EVA1C: variants seen among roughly 807,000 people sequenced by gnomAD.
EVA1C encodes the protein protein eva-1 homolog C.
In EVA1C, 25 loss-of-function variants were observed where a neutral mutation model predicts 45.4. The observed-to-expected ratio is 0.55, with a 90% CI of 0.40 to 0.77. The LOEUF (loss-of-function observed/expected upper bound fraction) is 0.77. Ranked by LOEUF, EVA1C falls within the 30% of genes least tolerant of loss-of-function variation. The probability of loss-of-function intolerance (pLI) is 0.00; values close to 1 mark genes in which losing one functional copy is unlikely to be tolerated. For synonymous variants in EVA1C, 190 were observed against 221.2 expected, an observed-to-expected ratio of 0.86 and a Z score of 1.25; for missense variants, 479 against 554.8, an observed-to-expected ratio of 0.86 and a Z score of 1.37.
At chr21:32,441,402 G>A (rs2035168565) in intron 1 of EVA1C, among the ~76,000 whole-genome samples, 1 of 152,044 alleles carries the variant, frequency 6.6e-6, no homozygotes, top group Admixed American at 6.6e-5. Flanking sequence ...GCTTCGGGCT[G>A]AGAGACAGTC....
At chr21:32,500,567 A>G (rs1250760388) in intron 5 of EVA1C, among the ~76,000 whole-genome samples, 1 of 152,078 alleles carries the variant, frequency 6.6e-6, no homozygotes, top group South Asian at 2.1e-4. Context: ...CTCCAGTTTT[A>G]AAACATTTTC....
At chr21:32,495,337 T>G (rs957825215) in intron 5 of EVA1C, among the ~76,000 whole-genome samples, 167 bp downstream of exon 5, 1 of 152,168 alleles carries the variant, frequency 6.6e-6, no homozygotes, top group African/African-American at 2.4e-5. Context: ...TTCTTATTCT[T>G]GTTTATGATA....
intron 3 of EVA1C, among the ~76,000 whole-genome samples, chr21:32,465,838 T>G (rs2036153337): frequency 2.0e-5 from 3 of 152,168 alleles, no homozygotes. Context: ...TATTAAGATA[T>G]CATTTACATA....
At chr21:32,412,693 GGCCCGCGCAGGGGAGGAGGCTCTGGCA>G (rs1278570646) in exon 1 of EVA1C, 1 of 624,362 alleles carries the variant, frequency 1.6e-6, no homozygotes, top group African/African-American at 1.9e-5. Context: ...CGCCTGGGCT[GGCCCGCGCAGGGGAGGAGGCTCTGGCA>G]GCCTGGGCAG....
chr21:32,427,611 G>A (rs1320472762), intron 1 of EVA1C, among the ~76,000 whole-genome samples: 2 of 152,116 alleles, frequency 1.3e-5, no homozygotes, highest in Non-Finnish European at 2.9e-5. Context: ...TACTCGGGAG[G>A]CTGAGGCAGG....
chr21:32,500,570 A>C (rs562531161), intron 5 of EVA1C, among the ~76,000 whole-genome samples: 5 of 152,176 alleles, frequency 3.3e-5, no homozygotes, highest in African/African-American at 1.2e-4. Flanking sequence ...CAGTTTTAAA[A>C]CATTTTCACA....
chr21:32,511,857 C>T (rs1234131174), intron 7 of EVA1C, among the ~76,000 whole-genome samples: 1 of 152,032 alleles, frequency 6.6e-6, no homozygotes, highest in African/African-American at 2.4e-5. Context: ...AGAATGCTCA[C>T]GATCATCCAC....
At chr21:32,419,292 T>C (rs994887599) in intron 1 of EVA1C, among the ~76,000 whole-genome samples, 1 of 152,196 alleles carries the variant, frequency 6.6e-6, no homozygotes, top group African/African-American at 2.4e-5. Flanking sequence ...GGTAATGTAC[T>C]ATGAGAGAAC....
chr21:32,508,516 C>T (rs1257043782), intron 7 of EVA1C, among the ~76,000 whole-genome samples: 1 of 152,160 alleles, frequency 6.6e-6, no homozygotes, highest in African/African-American at 2.4e-5. Flanking sequence ...TATGTGATTC[C>T]CCCACCAGGG....
At chr21:32,428,917 A>G (rs1452563515) in intron 1 of EVA1C, among the ~76,000 whole-genome samples, 2 of 152,226 alleles carry the variant, frequency 1.3e-5, no homozygotes, top group Non-Finnish European at 2.9e-5. Context: ...TGCTGGAATT[A>G]CAGAAGCCTG....
At chr21:32,500,652 C>T (rs1054825784) in intron 5 of EVA1C, among the ~76,000 whole-genome samples, 26 of 151,614 alleles carry the variant, frequency 1.7e-4, no homozygotes, top group Non-Finnish European at 3.5e-4. Flanking sequence ...CAGATAACCA[C>T]GCATCAACTT....
chr21:32,441,583 ATACAATGG>A (rs145478272), intron 1 of EVA1C, among the ~76,000 whole-genome samples: 26,897 of 151,776 alleles, frequency 0.18, 3,070 homozygotes, highest in African/African-American at 0.32. Flanking sequence ...TCAGAAACCC[ATACAATGG>A]TACAATGGAT....
intron 5 of EVA1C, among the ~76,000 whole-genome samples, chr21:32,500,954 C>T (rs1347626604): frequency 1.3e-5 from 2 of 152,132 alleles, no homozygotes; most frequent in African/African-American, 2.4e-5. Context: ...GCTGGGATTA[C>T]AGCTGTGTGC....
At chr21:32,488,242 A>C (rs1041824993) in intron 4 of EVA1C, among the ~76,000 whole-genome samples, 2 of 152,146 alleles carry the variant, frequency 1.3e-5, no homozygotes, top group Non-Finnish European at 2.9e-5. Flanking sequence ...AAAGACATAA[A>C]AATTTAGATA....
At chr21:32,506,398 G>A (rs2037723538) in intron 7 of EVA1C, among the ~76,000 whole-genome samples, 1 of 151,398 alleles carries the variant, frequency 6.6e-6, no homozygotes, top group South Asian at 2.1e-4. Context: ...TTTTTAAAAT[G>A]TAAGGACTTG....
chr21:32,459,806 A>G (rs2035930774), intron 3 of EVA1C, among the ~76,000 whole-genome samples: 2 of 135,248 alleles, frequency 1.5e-5, no homozygotes, highest in South Asian at 5.0e-4. Context: ...GCGCCATTGC[A>G]CTCCAGCCTG....
chr21:32,499,138 C>T (rs2037446923), intron 5 of EVA1C, among the ~76,000 whole-genome samples: 1 of 152,196 alleles, frequency 6.6e-6, no homozygotes, highest in Non-Finnish European at 1.5e-5. Context: ...GATTCTTTCT[C>T]AAACTGTAAA....
chr21:32,504,239 T>A (rs559607353), intron 7 of EVA1C, among the ~76,000 whole-genome samples: 5 of 152,302 alleles, frequency 3.3e-5, no homozygotes, highest in African/African-American at 1.2e-4. Context: ...AAAGTCACAC[T>A]ATTTAGGAGT....
rs563883902 is a variant in EVA1C, at chr21:32,475,945, A to G, written c.634+8097A>G. 8.5e-5 allele frequency among the ~76,000 whole-genome samples: 13 copies of G among 152,062 alleles called. No individual in the cohort carries two copies. The East Asian group carries it at 2.5e-3, about 29-fold the overall frequency. On this transcript the variant is annotated intron_variant, in intron 4 of 7. Coordinates refer to ENST00000300255, the MANE Select transcript of EVA1C (RefSeq NM_058187.5). ...TATCTATCTATATAAACAGGAATGT[A>G]TAACTGTGGTTTCCCTGCAACGCTG...
Sources: allele counts gnomAD v4.1 joint callset (sites outside exome capture counted in the v4.1 genomes callset), GRCh38; gene constraint gnomAD v4.1.1; transcripts MANE v1.5; gene names NCBI Gene and HGNC (gene_info 2026-07-23, HGNC 2026-07-21).